SAMD12: variants seen among roughly 807,000 people sequenced by gnomAD.
SAMD12 encodes the protein sterile alpha motif domain-containing protein 12.
A neutral mutation model predicts 15.0 loss-of-function variants in SAMD12; 9 were observed. The observed-to-expected ratio is 0.60, with a 90% CI of 0.36 to 1.05. The LOEUF is 1.05. Among genes scored for constraint, SAMD12 ranks in the 50% least tolerant of loss-of-function variants. The pLI, the probability that SAMD12 is intolerant of heterozygous loss-of-function variation, is 0.01. For synonymous variants in SAMD12, 86 were observed against 90.1 expected (o/e 0.96, Z 0.25); for missense variants, 230 against 234.2 (o/e 0.98, Z 0.12).
intron 2 of SAMD12, among the ~76,000 whole-genome samples, chr8:118,514,522 G>A (rs917288989): frequency 6.6e-6 from 1 of 152,144 alleles, no homozygotes; most frequent in Admixed American, 6.5e-5. Context: ...AATTCTCAAA[G>A]ATTATTCATT....
At chr8:118,293,123 T>C (rs1292782221) in intron 4 of SAMD12, among the ~76,000 whole-genome samples, 1 of 152,082 alleles carries the variant, frequency 6.6e-6, no homozygotes. Flanking sequence ...TTTCTTATGC[T>C]GTGTTTGAAG....
chr8:118,256,565 T>G (rs542190145), intron 4 of SAMD12, among the ~76,000 whole-genome samples: 1 of 152,030 alleles, frequency 6.6e-6, no homozygotes, highest in African/African-American at 2.4e-5. Context: ...AGCCTCAGTA[T>G]AGGTCAAGTT....
chr8:118,511,613 A>G (rs988148707), intron 2 of SAMD12, among the ~76,000 whole-genome samples: 1 of 152,152 alleles, frequency 6.6e-6, no homozygotes, highest in Non-Finnish European at 1.5e-5. Flanking sequence ...GAATTTTCCT[A>G]CATTCAAGCT....
At chr8:118,573,693 C>T (rs920775578) in intron 2 of SAMD12, among the ~76,000 whole-genome samples, 2 of 152,184 alleles carry the variant, frequency 1.3e-5, no homozygotes, top group Non-Finnish European at 2.9e-5. Context: ...AAAGCATTCC[C>T]TTGATATCAT....
chr8:118,410,911 C>T (rs968553902), intron 3 of SAMD12, among the ~76,000 whole-genome samples: 1 of 152,036 alleles, frequency 6.6e-6, no homozygotes, highest in Non-Finnish European at 1.5e-5. Context: ...AAACTAAAAC[C>T]TAAACAGGTG....
At chr8:118,344,938 T>A (rs1436019371) in intron 4 of SAMD12, among the ~76,000 whole-genome samples, 2 of 152,184 alleles carry the variant, frequency 1.3e-5, no homozygotes, top group African/African-American at 4.8e-5. Context: ...ATTATTATAT[T>A]TTTATATATT....
At chr8:118,534,206 T>A (rs1183228630) in intron 2 of SAMD12, among the ~76,000 whole-genome samples, 4 of 152,128 alleles carry the variant, frequency 2.6e-5, no homozygotes, top group African/African-American at 9.7e-5. Context: ...TTATGAAGCT[T>A]AGTTTGGCTG....
intron 1 of SAMD12, among the ~76,000 whole-genome samples, chr8:118,620,821 C>T (rs932138340): frequency 1.3e-5 from 2 of 152,222 alleles, no homozygotes; most frequent in African/African-American, 4.8e-5. Flanking sequence ...CCTCTTCCTA[C>T]TTCAGTACGC....
chr8:118,307,312 T>C (rs780361527), intron 4 of SAMD12, among the ~76,000 whole-genome samples: 5 of 152,158 alleles, frequency 3.3e-5, no homozygotes, highest in African/African-American at 7.2e-5. Flanking sequence ...TTTGGGGAAA[T>C]TTGTCTGAAA....
intron 4 of SAMD12, among the ~76,000 whole-genome samples, chr8:118,342,007 A>C (rs1315328099): frequency 2.6e-5 from 4 of 152,210 alleles, no homozygotes; most frequent in Admixed American, 6.5e-5. Flanking sequence ...AAGTTTTAAG[A>C]GGCCTGGTGT....
intron 3 of SAMD12, among the ~76,000 whole-genome samples, chr8:118,424,076 C>G (rs998766384): frequency 1.3e-5 from 2 of 152,004 alleles, no homozygotes; most frequent in Non-Finnish European, 2.9e-5. Flanking sequence ...TACTAAAAAA[C>G]ACACTGGGCA....
chr8:118,349,733 T>C (rs1367800025), intron 4 of SAMD12, among the ~76,000 whole-genome samples: 2 of 152,184 alleles, frequency 1.3e-5, no homozygotes, highest in Non-Finnish European at 2.9e-5. Flanking sequence ...TTTGTCTCTT[T>C]ACCTAGCAAC....
chr8:118,486,557 G>A (rs921686700), intron 2 of SAMD12, among the ~76,000 whole-genome samples: 5 of 152,124 alleles, frequency 3.3e-5, no homozygotes, highest in Admixed American at 3.3e-4. Flanking sequence ...AACTAGAGAA[G>A]GCAAGAAAAC....
chr8:118,270,043 G>T (rs1290511152), intron 4 of SAMD12, among the ~76,000 whole-genome samples: 2 of 152,154 alleles, frequency 1.3e-5, no homozygotes, highest in Admixed American at 6.5e-5. Flanking sequence ...TTTTAACGAT[G>T]GTGGAAGAGG....
intron 1 of SAMD12, among the ~76,000 whole-genome samples, chr8:118,590,455 C>T (rs1305360757): frequency 6.6e-6 from 1 of 152,192 alleles, no homozygotes; most frequent in East Asian, 1.9e-4. Context: ...TTCACCTCTA[C>T]CAGTTTATGA....
At position 118,597,965 on chromosome 8, in the gene SAMD12, T is replaced by C. The variant is rs111566190; in HGVS notation, c.14-17072A>G. Among the ~76,000 whole-genome samples the C allele has an allele frequency of 3.4e-3, 523 of 152,316 alleles. 6 individuals are homozygous for C. The Middle Eastern group carries it at 0.037, about 11-fold the overall frequency. ...TGGCACGTGGGCAGCATGCTGTACA[T>C]AATTGTTGAATGAAGGAATAAATGA... On this transcript the variant is annotated intron_variant, in intron 1 of 3. Transcript: ENST00000314727.
chr8:118,619,182 G>A (rs1259466877), intron 1 of SAMD12, among the ~76,000 whole-genome samples: 1 of 152,056 alleles, frequency 6.6e-6, no homozygotes, highest in African/African-American at 2.4e-5. Context: ...CAGCAGTAGA[G>A]GTAAACTGTT....
At chr8:118,586,767 T>C (rs1242324286) in intron 1 of SAMD12, among the ~76,000 whole-genome samples, 3 of 152,230 alleles carry the variant, frequency 2.0e-5, no homozygotes, top group Non-Finnish European at 4.4e-5. Flanking sequence ...TGCTGAGCTT[T>C]ACAAATGTAG....
intron 2 of SAMD12, among the ~76,000 whole-genome samples, chr8:118,490,466 T>C (rs779061133): frequency 1.6e-4 from 24 of 152,198 alleles, no homozygotes; most frequent in Non-Finnish European, 2.9e-4. Flanking sequence ...AATAAAGTTT[T>C]TGTGTTCAGG....
Sources: allele counts gnomAD v4.1 joint callset (sites outside exome capture counted in the v4.1 genomes callset), GRCh38; gene constraint gnomAD v4.1.1; transcripts MANE v1.5; gene names NCBI Gene and HGNC (gene_info 2026-07-23, HGNC 2026-07-21).